MECOM: variants seen among roughly 807,000 people sequenced by gnomAD.
MECOM encodes the protein MDS1 and EVI1 complex locus.
A neutral mutation model predicts 116.3 loss-of-function variants in MECOM; 13 were observed. The observed-to-expected ratio is 0.11, with a 90% CI of 0.07 to 0.18. The LOEUF is 0.18. MECOM is among the 10% of genes least tolerant of loss of function. MECOM has a pLI of 1.00. For synonymous variants in MECOM, 528 were observed against 535.2 expected, an observed-to-expected ratio of 0.99 and a Z score of 0.19; for missense variants, 1,299 against 1,509.0, an observed-to-expected ratio of 0.86 and a Z score of 2.31.
chr3:169,657,162 A>G (rs758320146), intron 1 of MECOM, among the ~76,000 whole-genome samples: 6 of 152,252 alleles, frequency 3.9e-5, no homozygotes, highest in Non-Finnish European at 8.8e-5. Context: ...TCCCCTGTAG[A>G]CCCAGTAGAC....
chr3:169,496,900 G>T (rs1314803587), intron 1 of MECOM, among the ~76,000 whole-genome samples: 1 of 151,972 alleles, frequency 6.6e-6, no homozygotes, highest in Non-Finnish European at 1.5e-5. Context: ...ATTTTCTTTG[G>T]GACCCCCATA....
chr3:169,409,731 C>A (rs17485347), intron 1 of MECOM, among the ~76,000 whole-genome samples: 27,740 of 152,162 alleles, frequency 0.18, 3,077 homozygotes, highest in Non-Finnish European at 0.25. Flanking sequence ...CTTCAAAGGG[C>A]AATTTTCTTC....
intron 9 of MECOM, among the ~76,000 whole-genome samples, chr3:169,112,354 G>A (rs1164840590): frequency 6.6e-6 from 1 of 152,028 alleles, no homozygotes; most frequent in Non-Finnish European, 1.5e-5. Context: ...CACCCTCTAT[G>A]GTAACAACTT....
intron 2 of MECOM, among the ~76,000 whole-genome samples, chr3:169,338,969 T>G (rs1343264312): frequency 1.3e-5 from 2 of 152,100 alleles, no homozygotes; most frequent in East Asian, 3.9e-4. Context: ...AGGGCAAGAA[T>G]TTTGTTTTTA....
chr3:169,434,881 T>C (rs1173365903), intron 1 of MECOM, among the ~76,000 whole-genome samples: 1 of 152,198 alleles, frequency 6.6e-6, no homozygotes, highest in Non-Finnish European at 1.5e-5. Flanking sequence ...GTTTCTCAAA[T>C]TTAAACTTCA....
At chr3:169,363,147 AT>A (rs1317124542) in intron 2 of MECOM, among the ~76,000 whole-genome samples, 3 of 151,832 alleles carry the variant, frequency 2.0e-5, no homozygotes, top group South Asian at 2.1e-4. Context: ...TCTATTAGCC[AT>A]TTTTTTCCCT....
intron 1 of MECOM, among the ~76,000 whole-genome samples, chr3:169,395,484 C>T (rs1257612562): frequency 6.6e-6 from 1 of 152,204 alleles, no homozygotes; most frequent in African/African-American, 2.4e-5. Flanking sequence ...ACTAAATTTA[C>T]ACACACTCAT....
At chr3:169,356,971 A>T (rs961486646) in intron 2 of MECOM, among the ~76,000 whole-genome samples, 1 of 151,906 alleles carries the variant, frequency 6.6e-6, no homozygotes, top group Non-Finnish European at 1.5e-5. Flanking sequence ...GTAGTGTCAC[A>T]TAAAGAGAAA....
intron 2 of MECOM, among the ~76,000 whole-genome samples, chr3:169,322,853 C>T (rs951321277): frequency 6.6e-6 from 1 of 151,750 alleles, no homozygotes; most frequent in African/African-American, 2.4e-5. Flanking sequence ...CAAAAATTAG[C>T]CAGCCATGTT....
chr3:169,522,378 C>A (rs541160902), intron 1 of MECOM, among the ~76,000 whole-genome samples: 14 of 152,288 alleles, frequency 9.2e-5, no homozygotes, highest in African/African-American at 3.4e-4. Flanking sequence ...CTCTAGGTTG[C>A]CTTTTTGGAG....
rs74714359 is a variant in MECOM at position 169,225,387 on chromosome 3, T to A, written c.376-81555A>T. On this transcript the variant is annotated intron_variant, in intron 2 of 16. Coordinates refer to ENST00000651503, the MANE Select transcript of MECOM (RefSeq NM_004991.4). ...TCCAAACCAATGGGGATAGAGTGGTTTGAGGTGGGCCAAGGAGAGTCAGGA... is the reference window on the plus strand; with the variant it reads ...TCCAAACCAATGGGGATAGAGTGGTATGAGGTGGGCCAAGGAGAGTCAGGA... Among the ~76,000 whole-genome samples, 16 of 152,076 alleles carry A rather than the reference T, an allele frequency of 1.1e-4. No homozygotes were observed. In the East Asian group the frequency reaches 3.1e-3, roughly 30 times the overall value.
intron 1 of MECOM, among the ~76,000 whole-genome samples, chr3:169,439,727 G>A (rs138285992): frequency 6.6e-5 from 10 of 152,150 alleles, no homozygotes; most frequent in African/African-American, 2.2e-4. Context: ...AGTCTTGTAC[G>A]TACATACTAG....
intron 1 of MECOM, among the ~76,000 whole-genome samples, chr3:169,662,403 C>T (rs540579361): frequency 7.9e-5 from 12 of 152,336 alleles, no homozygotes; most frequent in African/African-American, 2.9e-4. Flanking sequence ...GCAGCGCGCC[C>T]TCTCTGCCTC....
chr3:169,168,723 T>C (rs1198312499), intron 2 of MECOM, among the ~76,000 whole-genome samples: 1 of 152,026 alleles, frequency 6.6e-6, no homozygotes, highest in Non-Finnish European at 1.5e-5. Flanking sequence ...TATGTTAGTT[T>C]TCATTGAGGG....
At chr3:169,513,886 G>C (rs1015354384) in intron 1 of MECOM, among the ~76,000 whole-genome samples, 6 of 152,088 alleles carry the variant, frequency 3.9e-5, no homozygotes, top group African/African-American at 1.4e-4. Flanking sequence ...AAAAATAACT[G>C]CCTGCTCTTT....
intron 2 of MECOM, among the ~76,000 whole-genome samples, chr3:169,242,707 C>T (rs1264909101): frequency 6.6e-6 from 1 of 152,132 alleles, no homozygotes; most frequent in Admixed American, 6.5e-5. Flanking sequence ...ATGGGCCAGT[C>T]AGCTGGGAGT....
rs771927221 is a variant in MECOM at position 169,131,468 on chromosome 3, C to T, written c.574G>A (p.Glu192Lys). 18 of 1,613,960 alleles carry T rather than the reference C, an allele frequency of 1.1e-5. No homozygotes were observed. Among genetic ancestry groups the T allele is most frequent in the Non-Finnish European group, 1.2e-5 (14 of 1,179,990 alleles). Residue 192 changes from glutamate (E) to lysine (K), a missense_variant, in exon 4 of 17, where the codon GAA becomes AAA. By Grantham distance (56) the Glu-to-Lys change is moderately conservative. Around this residue, in one of 6 missense-constraint regions of MECOM, gnomAD observed 374 missense variants for 433.4 expected, o/e 0.86. Coordinates refer to ENST00000651503, the MANE Select transcript of MECOM (RefSeq NM_004991.4). ...GCCATAGTTTCATGGGGATAGTCTT[C>T]GCTCTTCATGAACAGCAGAAGCTCC... ...GEELLLFMKS[E>K]DYPHETMAPD...
chr3:169,281,019 G>C (rs1369894112), intron 2 of MECOM, among the ~76,000 whole-genome samples: 1 of 152,174 alleles, frequency 6.6e-6, no homozygotes, highest in Non-Finnish European at 1.5e-5. Context: ...CTTTGGCTTG[G>C]AATGTCCTAA....
intron 2 of MECOM, chr3:169,146,072 C>A: frequency 3.8e-6 from 1 of 260,280 alleles, no homozygotes; most frequent in Non-Finnish European, 6.8e-6. Context: ...AATAAAGTAA[C>A]GACACATCTT....
Sources: allele counts gnomAD v4.1 joint callset (sites outside exome capture counted in the v4.1 genomes callset), GRCh38; gene constraint gnomAD v4.1.1; regional missense constraint gnomAD v4.1.1; transcripts MANE v1.5; gene names NCBI Gene and HGNC (gene_info 2026-07-23, HGNC 2026-07-21).